MACO1: variants seen among roughly 807,000 people sequenced by gnomAD.
MACO1 encodes macoilin.
A neutral mutation model predicts 78.7 loss-of-function variants in MACO1; 14 were observed. The observed-to-expected ratio is 0.18, with a 90% CI of 0.12 to 0.28. The LOEUF (loss-of-function observed/expected upper bound fraction) is 0.28. Ranked by LOEUF, MACO1 falls within the 10% of genes least tolerant of loss-of-function variation. The pLI, the probability that MACO1 is intolerant of heterozygous loss-of-function variation, is 1.00. For synonymous variants in MACO1, 288 were observed against 291.6 expected (o/e 0.99, Z 0.12); for missense variants, 501 against 799.0 (o/e 0.63, Z 4.50).
At position 25,433,688 on chromosome 1, in the gene MACO1, C is replaced by A. The variant is rs190288611; in HGVS notation, c.80+2510C>A. ...CTGCAGGAATCAGGAGACCCAGGAT[C>A]AGACTCAAAATCCCAGCTCTGCTGC... On this transcript the variant is annotated intron_variant, in intron 1 of 10. Transcript: ENST00000374343. Among the ~76,000 whole-genome samples the A allele has an allele frequency of 1.9e-3, 293 of 152,320 alleles. 1 individual carries two copies. The highest frequency in any genetic ancestry group is 1.3e-3 in the Non-Finnish European group (88 of 68,030).
At chr1:25,476,034 C>T (rs2043319645) in intron 6 of MACO1, among the ~76,000 whole-genome samples, 1 of 152,182 alleles carries the variant, frequency 6.6e-6, no homozygotes, top group Admixed American at 6.5e-5. Context: ...CTTATTACAA[C>T]AGACAAGCTT....
chr1:25,454,488 A>ATATATATATC (rs1441909435), intron 4 of MACO1, 106 bp downstream of exon 4: 1 of 71,190 alleles, frequency 1.4e-5, no homozygotes, highest in Non-Finnish European at 3.4e-5. Context: ...ATATATATAT[A>ATATATATATC]TTTTTTTTTT....
chr1:25,469,058 G>A (rs2043244041), intron 6 of MACO1, among the ~76,000 whole-genome samples: 1 of 150,328 alleles, frequency 6.7e-6, no homozygotes, highest in African/African-American at 2.4e-5. Flanking sequence ...GCCCAGGCTG[G>A]TCTCGAGCTC....
intron 1 of MACO1, among the ~76,000 whole-genome samples, chr1:25,431,869 GA>G (rs1460480303): frequency 2.6e-5 from 4 of 152,044 alleles, no homozygotes; most frequent in Non-Finnish European, 5.9e-5. Flanking sequence ...ATTCCAAGCA[GA>G]TAGCTTGCTT....
chr1:25,467,115 G>T (rs1218669082), intron 6 of MACO1, among the ~76,000 whole-genome samples: 1 of 152,096 alleles, frequency 6.6e-6, no homozygotes, highest in Non-Finnish European at 1.5e-5. Context: ...AAAATTAGCT[G>T]GGCATGGTGG....
chr1:25,431,774 T>G (rs965176886), intron 1 of MACO1, among the ~76,000 whole-genome samples: 2 of 152,214 alleles, frequency 1.3e-5, no homozygotes, highest in Non-Finnish European at 2.9e-5. Context: ...GGGCTGAAGC[T>G]GATACCCCCA....
intron 10 of MACO1, among the ~76,000 whole-genome samples, chr1:25,493,350 C>T (rs748563667): frequency 6.6e-6 from 1 of 151,616 alleles, no homozygotes; most frequent in Non-Finnish European, 1.5e-5. Context: ...GTGATCCTCC[C>T]ACCTCAGCCT....
intron 6 of MACO1, among the ~76,000 whole-genome samples, chr1:25,482,214 C>T (rs2043385257): frequency 6.6e-6 from 1 of 152,130 alleles, no homozygotes; most frequent in Non-Finnish European, 1.5e-5. Context: ...AGTTTGTATC[C>T]TGATGGAAAA....
chr1:25,442,846 T>G (rs2042984483), intron 1 of MACO1, among the ~76,000 whole-genome samples: 1 of 152,220 alleles, frequency 6.6e-6, no homozygotes, highest in African/African-American at 2.4e-5. Context: ...TCATTTGCCC[T>G]TGTTTCAATA....
intron 10 of MACO1, among the ~76,000 whole-genome samples, chr1:25,495,893 T>C (rs558501606): frequency 6.6e-6 from 1 of 152,210 alleles, no homozygotes; most frequent in East Asian, 1.9e-4. Context: ...ACCCCGAAAG[T>C]GGAGGTTGCA....
chr1:25,463,890 G>C (rs2043192520), intron 6 of MACO1, among the ~76,000 whole-genome samples: 1 of 152,062 alleles, frequency 6.6e-6, no homozygotes, highest in South Asian at 2.1e-4. Flanking sequence ...AAATTGAGTG[G>C]AAGATACAGA....
chr1:25,432,763 C>T (rs894469107), intron 1 of MACO1, among the ~76,000 whole-genome samples: 4 of 152,200 alleles, frequency 2.6e-5, no homozygotes, highest in Non-Finnish European at 4.4e-5. Context: ...ACAACTGTGG[C>T]ATTTGAATAG....
At chr1:25,432,234 G>A (rs909577916) in intron 1 of MACO1, among the ~76,000 whole-genome samples, 1 of 152,190 alleles carries the variant, frequency 6.6e-6, no homozygotes, top group Non-Finnish European at 1.5e-5. Flanking sequence ...AATATGTGAG[G>A]TAGCTGATGA....
At chr1:25,454,718 G>A (rs528763402) in intron 4 of MACO1, among the ~76,000 whole-genome samples, 4 of 151,864 alleles carry the variant, frequency 2.6e-5, no homozygotes, top group African/African-American at 9.7e-5. Flanking sequence ...CTGACCTCAA[G>A]TGATCCACCT....
intron 2 of MACO1, among the ~76,000 whole-genome samples, chr1:25,447,637 T>C (rs565567407): frequency 6.6e-6 from 1 of 152,244 alleles, no homozygotes; most frequent in Admixed American, 6.5e-5. Context: ...AGTCTGTTAC[T>C]GTATCACATG....
At chr1:25,471,207 C>T (rs1054981388) in intron 6 of MACO1, among the ~76,000 whole-genome samples, 2 of 151,808 alleles carry the variant, frequency 1.3e-5, no homozygotes, top group African/African-American at 2.4e-5. Flanking sequence ...AGTGCAGTGG[C>T]GGGTGCCTGT....
chr1:25,434,836 C>G (rs894805751), intron 1 of MACO1, among the ~76,000 whole-genome samples: 1 of 152,052 alleles, frequency 6.6e-6, no homozygotes, highest in African/African-American at 2.4e-5. Context: ...CAGACACTCC[C>G]GATAGTAATA....
chr1:25,498,087 C>A (rs1174112957), intron 10 of MACO1, among the ~76,000 whole-genome samples, 177 bp from the exon 11 acceptor site: 1 of 152,160 alleles, frequency 6.6e-6, no homozygotes, highest in African/African-American at 2.4e-5. Context: ...CTGTATATGG[C>A]CCACGACACC....
intron 1 of MACO1, among the ~76,000 whole-genome samples, chr1:25,445,977 AT>A (rs951003424): frequency 6.1e-4 from 93 of 151,980 alleles, no homozygotes; most frequent in African/African-American, 2.0e-3. Context: ...GAAAAATAAT[AT>A]TTTTTTTCTG....
Sources: gnomAD v4.1 joint callset for allele counts (sites outside exome capture counted in the v4.1 genomes callset) on GRCh38, gnomAD v4.1.1 for gene constraint, MANE v1.5 for transcripts, NCBI Gene and HGNC (gene_info 2026-07-23, HGNC 2026-07-21) for gene names.